The following RAB27B variants were observed in gnomAD, a reference collection of about 807,000 sequenced individuals.
RAB27B encodes RAB27B, member RAS oncogene family.
In RAB27B, 15 loss-of-function variants were observed where a neutral mutation model predicts 24.6. The ratio of observed to expected loss-of-function variants is 0.61; its 90% CI spans 0.41 to 0.94. The LOEUF (loss-of-function observed/expected upper bound fraction) is 0.94. Among genes scored for constraint, RAB27B ranks in the 40% least tolerant of loss-of-function variants. The pLI, the probability that RAB27B is intolerant of heterozygous loss-of-function variation, is 0.00. For synonymous variants in RAB27B, 105 were observed against 92.5 expected (o/e 1.14, Z -0.78); for missense variants, 261 against 266.8 (o/e 0.98, Z 0.15).
intron 2 of RAB27B, among the ~76,000 whole-genome samples, chr18:54,785,027 C>T (rs1327220130): frequency 6.6e-6 from 1 of 152,196 alleles, no homozygotes; most frequent in African/African-American, 2.4e-5. Context: ...TGCCTCCAGC[C>T]ACAATGTCCT....
At chr18:54,722,060 A>G (rs918327735) in intron 2 of RAB27B, among the ~76,000 whole-genome samples, 10 of 152,222 alleles carry the variant, frequency 6.6e-5, no homozygotes, top group Non-Finnish European at 1.3e-4. Flanking sequence ...ATGAGATGAT[A>G]TATGTTGACT....
Position 54,893,906 on chromosome 18 carries a change from G to C in RAB27B, c.*4493G>C, listed in dbSNP as rs1473168818. On this transcript the variant is annotated 3_prime_UTR_variant, in exon 6 of 6. Transcript: ENST00000262094. ...ATAAAGAAAGACCTAGTAACAGATA[G>C]TTTTTTTTTGTTCATTTTCTTCTAC... 3.3e-5 allele frequency: 5 copies of C among 151,144 alleles called. No homozygotes were observed. The highest frequency in any genetic ancestry group is 1.2e-4 in the African/African-American group (5 of 41,190). The allele number at this position is 151,144 out of a possible 1,614,324, so 9.4% of individuals were successfully genotyped here. A position where few individuals can be genotyped will look rare whatever the true frequency, so the allele number is the denominator to read the frequency against.
chr18:54,763,913 G>T (rs180870618), intron 2 of RAB27B, among the ~76,000 whole-genome samples: 67 of 152,204 alleles, frequency 4.4e-4, no homozygotes, highest in Non-Finnish European at 4.4e-5. Flanking sequence ...AAGAAGTATT[G>T]AGAAGGGGAA....
At chr18:54,864,095 T>C (rs1035255890) in intron 1 of RAB27B, among the ~76,000 whole-genome samples, 3 of 152,210 alleles carry the variant, frequency 2.0e-5, no homozygotes, top group Admixed American at 6.5e-5. Context: ...CCAAACTGTT[T>C]TCCAAAGTGG....
chr18:54,728,903 CA>C lies in RAB27B; in HGVS notation c.-20+10782del, dbSNP rs58878407. Among the ~76,000 whole-genome samples the C allele has an allele frequency of 9.4e-4, 64 of 68,262 alleles. No individual in the cohort carries two copies. The South Asian group carries it at 9.8e-3, about 10-fold the overall frequency. The allele number at this position is 68,262 out of a possible 152,430, so 44.8% of individuals were successfully genotyped here. A position where few individuals can be genotyped will look rare whatever the true frequency, so the allele number is the denominator to read the frequency against. ...AAAAAAAAAAAAAAAAAAAAAAACC[CA>C]AAAAAAAAAAAAAAAAAAACCACCA... On this transcript the variant is annotated intron_variant, in intron 2 of 4. Coordinates refer to the RAB27B transcript ENST00000586570.
upstream of RAB27B, among the ~76,000 whole-genome samples, chr18:54,824,219 A>G (rs118096436): frequency 0.033 from 5,049 of 152,288 alleles, 137 homozygotes; most frequent in Admixed American, 0.077. Context: ...ACAAAGTGGT[A>G]TTCTATCATA....
chr18:54,798,883 T>G (rs921084548), intron 2 of RAB27B, among the ~76,000 whole-genome samples: 4 of 152,248 alleles, frequency 2.6e-5, no homozygotes, highest in Non-Finnish European at 4.4e-5. Flanking sequence ...CCTAAATGTA[T>G]TATTAACATT....
chr18:54,877,708 A>T lies in RAB27B; in HGVS notation c.123A>T (p.Thr41=). Residue 41 remains threonine, a synonymous_variant, in exon 2 of 6, where the codon ACA becomes ACT. Transcript: ENST00000262094. ...AATTCAATCCCAAATTCATCACTAC[A>T]GTAGGAATAGACTTTCGGGAAAAAC... ...DNKFNPKFIT[T]VGIDFREKRV... 4 of 1,591,426 alleles carry T rather than the reference A, an allele frequency of 2.5e-6. No homozygotes were observed. Among genetic ancestry groups the T allele is most frequent in the South Asian group, 2.3e-5 (2 of 85,834 alleles).
intron 5 of RAB27B, among the ~76,000 whole-genome samples, chr18:54,888,799 G>A (rs1913249404): frequency 6.6e-6 from 1 of 152,056 alleles, no homozygotes; most frequent in Non-Finnish European, 1.5e-5. Flanking sequence ...AATAAACATT[G>A]ACTGTATTCA....
chr18:54,797,710 G>C (rs948175206), intron 2 of RAB27B, among the ~76,000 whole-genome samples: 16 of 152,094 alleles, frequency 1.1e-4, no homozygotes, highest in African/African-American at 3.9e-4. Flanking sequence ...ATGGTCTACT[G>C]GGTCTAACCT....
intron 2 of RAB27B, among the ~76,000 whole-genome samples, chr18:54,757,726 G>C (rs1908052632): frequency 6.6e-6 from 1 of 152,074 alleles, no homozygotes; most frequent in Non-Finnish European, 1.5e-5. Flanking sequence ...GATAGTTCTA[G>C]TTGAGATCAT....
chr18:54,743,269 G>A (rs970533561), intron 2 of RAB27B, among the ~76,000 whole-genome samples: 2 of 152,146 alleles, frequency 1.3e-5, no homozygotes, highest in African/African-American at 2.4e-5. Flanking sequence ...TGAATTAGAA[G>A]CTCTTTTTGT....
At chr18:54,813,634 A>G (rs889746543) in intron 2 of RAB27B, among the ~76,000 whole-genome samples, 1 of 152,198 alleles carries the variant, frequency 6.6e-6, no homozygotes, top group African/African-American at 2.4e-5. Context: ...AGCCAAGTAG[A>G]TGCTGGTGCC....
chr18:54,828,784 T>C (rs1453199517), intron 1 of RAB27B, 84 bp downstream of exon 1: 1 of 124,714 alleles, frequency 8.0e-6, no homozygotes, highest in Non-Finnish European at 1.7e-5. Context: ...CCGTGGGAAG[T>C]GAGGCCTCTG....
intron 1 of RAB27B, among the ~76,000 whole-genome samples, chr18:54,843,044 C>T (rs1010403909): frequency 1.2e-4 from 18 of 152,304 alleles, no homozygotes; most frequent in Admixed American, 8.5e-4. Flanking sequence ...GATCCACCCG[C>T]CTCAGGCTCC....
At chr18:54,849,846 C>G (rs1568095883) in intron 1 of RAB27B, among the ~76,000 whole-genome samples, 1 of 152,174 alleles carries the variant, frequency 6.6e-6, no homozygotes, top group African/African-American at 2.4e-5. Flanking sequence ...CTCTGACACT[C>G]TTGTCTCCAA....
intron 2 of RAB27B, among the ~76,000 whole-genome samples, chr18:54,788,149 A>T (rs1909146346): frequency 6.6e-6 from 1 of 152,232 alleles, no homozygotes; most frequent in Non-Finnish European, 1.5e-5. Flanking sequence ...GACTGAATTT[A>T]TACAAACTCA....
chr18:54,787,242 C>A (rs1909115989), intron 2 of RAB27B, among the ~76,000 whole-genome samples: 1 of 152,192 alleles, frequency 6.6e-6, no homozygotes, highest in Non-Finnish European at 1.5e-5. Context: ...CCTTCTCATG[C>A]AGAATTATCT....
chr18:54,841,174 T>TGGGGG (rs1911106066), intron 1 of RAB27B, among the ~76,000 whole-genome samples: 5 of 12,186 alleles, frequency 4.1e-4, no homozygotes, highest in Non-Finnish European at 1.1e-3. Flanking sequence ...GGGGGTTTGG[T>TGGGGG]GAGAGGGGCG....
Sources: gnomAD v4.1 joint callset for allele counts (sites outside exome capture counted in the v4.1 genomes callset) on GRCh38, gnomAD v4.1.1 for gene constraint, MANE v1.5 for transcripts, NCBI Gene and HGNC (gene_info 2026-07-23, HGNC 2026-07-21) for gene names.